The following MFSD11 variants were observed in gnomAD, a reference collection of about 807,000 sequenced individuals.
The protein encoded by MFSD11 is major facilitator superfamily domain containing 11.
Under a neutral mutation model 53.5 loss-of-function variants are expected in MFSD11, and 36 were observed. The observed-to-expected ratio is 0.67, with a 90% CI of 0.52 to 0.89. The LOEUF is 0.89. Ranked by LOEUF, MFSD11 falls within the 40% of genes least tolerant of loss-of-function variation. The pLI is 0.00. For synonymous variants in MFSD11, 186 were observed against 184.9 expected (o/e 1.01, Z -0.05); for missense variants, 530 against 543.9 (o/e 0.97, Z 0.25).
chr17:76,740,625 TAAC>T (rs905509189), intron 2 of MFSD11, among the ~76,000 whole-genome samples: 14 of 152,306 alleles, frequency 9.2e-5, no homozygotes, highest in Admixed American at 3.3e-4. Flanking sequence ...ATGAGGATAA[TAAC>T]AATATCTTTC....
chr17:76,749,475 G>A (rs371860876), intron 7 of MFSD11, among the ~76,000 whole-genome samples: 2 of 151,490 alleles, frequency 1.3e-5, no homozygotes, highest in East Asian at 3.9e-4. Flanking sequence ...GTTGCAGTGA[G>A]CCAAGATAAT....
the MFSD11 span, among the ~76,000 whole-genome samples, chr17:76,796,811 CAAA>C: frequency 3.2e-4 from 37 of 114,308 alleles, no homozygotes; most frequent in Non-Finnish European, 5.0e-4. Context: ...CTAAAAATAC[CAAA>C]AAAAAAAAAA....
chr17:76,751,206 C>G (rs1336844566), intron 7 of MFSD11, among the ~76,000 whole-genome samples: 2 of 151,220 alleles, frequency 1.3e-5, no homozygotes, highest in Non-Finnish European at 2.9e-5. Flanking sequence ...CTGGCTAACA[C>G]GGTGAAACCC....
chr17:76,744,116 T>G (rs1179826390), intron 6 of MFSD11, among the ~76,000 whole-genome samples: 1 of 152,192 alleles, frequency 6.6e-6, no homozygotes, highest in African/African-American at 2.4e-5. Flanking sequence ...CTTGTGCTGT[T>G]TTTCTTTGGC....
chr17:76,775,634 C>T (rs1406177337), intron 11 of MFSD11, among the ~76,000 whole-genome samples: 1 of 152,138 alleles, frequency 6.6e-6, no homozygotes, highest in Non-Finnish European at 1.5e-5. Context: ...TGTCCAGCTC[C>T]ACAAATCCAA....
intron 7 of MFSD11, chr17:76,753,034 A>AT (rs958525144): frequency 1.7e-3 from 9 of 5,310 alleles, no homozygotes; most frequent in African/African-American, 2.7e-3. Flanking sequence ...ATCTTGTTCC[A>AT]TAAAAAAAAA....
intron 7 of MFSD11, among the ~76,000 whole-genome samples, chr17:76,752,629 C>CA (rs1425377252): frequency 1.3e-5 from 2 of 152,106 alleles, no homozygotes; most frequent in Non-Finnish European, 2.9e-5. Flanking sequence ...AATCCACCCT[C>CA]AAGTGATCAG....
the MFSD11 span, among the ~76,000 whole-genome samples, chr17:76,802,029 G>T: frequency 3.9e-5 from 6 of 152,058 alleles, 1 homozygote; most frequent in East Asian, 7.8e-4. Context: ...AGCACTTTGG[G>T]AGGCCAAGGT....
chr17:76,773,024 C>G (rs1300521967), intron 10 of MFSD11: 1 of 152,306 alleles, frequency 6.6e-6, no homozygotes, highest in Non-Finnish European at 1.5e-5. Context: ...GACACTATAC[C>G]CAGCTGAGGG....
At chr17:76,795,802 C>T in the MFSD11 span, among the ~76,000 whole-genome samples, 5 of 151,512 alleles carry the variant, frequency 3.3e-5, no homozygotes, top group East Asian at 3.9e-4. Flanking sequence ...TACAGGTGCC[C>T]GCCACCACGC....
At chr17:76,768,195 T>A (rs1312488081) in intron 9 of MFSD11, among the ~76,000 whole-genome samples, 2 of 150,516 alleles carry the variant, frequency 1.3e-5, no homozygotes, top group African/African-American at 2.5e-5. Context: ...CCCCAGCCAC[T>A]CAGGAGGCCG....
At chr17:76,764,664 C>T (rs2080648860) in intron 8 of MFSD11, among the ~76,000 whole-genome samples, 1 of 151,770 alleles carries the variant, frequency 6.6e-6, no homozygotes, top group African/African-American at 2.4e-5. Context: ...TAGTTGTTTC[C>T]ATGTCTTTGC....
chr17:76,742,362 C>A (rs1015684975), intron 5 of MFSD11, 89 bp downstream of exon 5: 30 of 1,060,798 alleles, frequency 2.8e-5, no homozygotes, highest in Middle Eastern at 2.0e-4. Context: ...CAATTTGGAT[C>A]TTCCATGTTA....
chr17:76,787,476 T>C, the MFSD11 span, among the ~76,000 whole-genome samples: 1 of 150,064 alleles, frequency 6.7e-6, no homozygotes, highest in African/African-American at 2.4e-5. Flanking sequence ...CATCCTTCCT[T>C]ATTTTCTCAA....
At chr17:76,769,659 GTATTCTT>G in intron 9 of MFSD11, 80 bp from the exon 10 acceptor site, 1 of 1,030,596 alleles carries the variant, frequency 9.7e-7, no homozygotes, top group Non-Finnish European at 1.4e-6. Context: ...TACTACGCAA[GTATTCTT>G]TCGTCAGATA....
At chr17:76,772,435 G>A (rs1178738427) in intron 10 of MFSD11, among the ~76,000 whole-genome samples, 1 of 149,490 alleles carries the variant, frequency 6.7e-6, no homozygotes, top group Non-Finnish European at 1.5e-5. Flanking sequence ...AAAAGAAATT[G>A]CAAAAATAAA....
chr17:76,742,187 A>G lies in MFSD11; in HGVS notation c.351A>G (p.Thr117=). 6.2e-7 allele frequency: 1 copy of G among 1,614,218 alleles called. No homozygotes were observed. Among genetic ancestry groups the G allele is most frequent in the Non-Finnish European group, 8.5e-7 (1 of 1,180,038 alleles). Residue 117 remains threonine, a synonymous_variant, in exon 5 of 13, where the codon ACA becomes ACG. Transcript: ENST00000685175. Reference sequence around the variant, plus strand: ...TGGGTTGAATTTTAGTGCTTTGGACAGCACAAGGAAACTGCCTGACAATCA... The same window carrying G: ...TGGGTTGAATTTTAGTGCTTTGGACGGCACAAGGAAACTGCCTGACAATCA... The part of the protein sequence containing the change: ...FIGIAAAVLW[T]AQGNCLTINS...
intron 8 of MFSD11, among the ~76,000 whole-genome samples, chr17:76,764,910 C>G (rs1358730065): frequency 1.3e-5 from 2 of 152,204 alleles, no homozygotes; most frequent in Non-Finnish European, 2.9e-5. Context: ...TGTCTTTCCT[C>G]CACATCCTCA....
At chr17:76,779,508 G>A (rs1211341167), downstream of MFSD11, among the ~76,000 whole-genome samples, 6 of 151,690 alleles carry the variant, frequency 4.0e-5, no homozygotes, top group Admixed American at 1.3e-4. Context: ...ATTTAGAGAC[G>A]GAGTCTCACT....
Sources: gnomAD v4.1 joint callset for allele counts (sites outside exome capture counted in the v4.1 genomes callset) on GRCh38, gnomAD v4.1.1 for gene constraint, MANE v1.5 for transcripts, NCBI Gene and HGNC (gene_info 2026-07-23, HGNC 2026-07-21) for gene names.